Variants in TTC17 observed in about 807,000 individuals in gnomAD.
The protein encoded by TTC17 is tetratricopeptide repeat protein 17.
A neutral mutation model predicts 143.8 loss-of-function variants in TTC17; 58 were observed. The ratio of observed to expected loss-of-function variants is 0.40; its 90% CI spans 0.33 to 0.50. The LOEUF (loss-of-function observed/expected upper bound fraction) is 0.50, where lower values mean the gene tolerates loss of function less well. TTC17 is among the 20% of genes least tolerant of loss of function. The pLI is 0.49. For missense variants in TTC17, 1,273 were observed against 1,392.5 expected (o/e 0.91, Z 1.37); for synonymous variants, 501 against 497.8 (o/e 1.01, Z -0.09).
At position 43,451,198 on chromosome 11, in the gene TTC17, G is replaced by T; in HGVS notation, c.2963G>T (p.Gly988Val). Reference sequence around the variant, plus strand: ...TCCTTCCAGGTATTACAAAATCTCGGCAAAGACCAATATCCACAACAGTCG... The same window carrying T: ...TCCTTCCAGGTATTACAAAATCTCGTCAAAGACCAATATCCACAACAGTCG... ...SQLTEVLQNL[G>V]KDQYPQQSLE... Residue 988 changes from glycine to valine, a missense_variant, in exon 21 of 24, where the codon GGC (glycine) becomes GTC (valine). Physicochemically the swap from Gly to Val is moderately radical, Grantham distance 109. Coordinates refer to ENST00000039989, the MANE Select transcript of TTC17 (RefSeq NM_018259.6). 1 of 1,612,954 alleles carries T rather than the reference G, an allele frequency of 6.2e-7. No homozygotes were observed. The highest frequency in any genetic ancestry group is 8.5e-7 in the Non-Finnish European group (1 of 1,179,114).
intron 21 of TTC17, among the ~76,000 whole-genome samples, chr11:43,483,321 G>A (rs1310308541): frequency 1.3e-5 from 2 of 152,040 alleles, no homozygotes; most frequent in African/African-American, 4.8e-5. Context: ...TGACATACCA[G>A]TTAATTCCTT....
At chr11:43,436,280 C>T in intron 16 of TTC17, 1 of 1,373,348 alleles carries the variant, frequency 7.3e-7, no homozygotes. Flanking sequence ...AGAGGAGGAC[C>T]CTGTATTCTC....
chr11:43,421,899 A>G (rs1946915406), intron 16 of TTC17, among the ~76,000 whole-genome samples: 1 of 151,258 alleles, frequency 6.6e-6, no homozygotes, highest in African/African-American at 2.4e-5. Context: ...CCTGGTGACA[A>G]AAAGGTTGGG....
At position 43,413,706 on chromosome 11, in the gene TTC17, GA is replaced by G. The variant is rs756140204; in HGVS notation, c.2065-872del. On this transcript the variant is annotated intron_variant, in intron 15 of 23. Transcript: ENST00000039989. ...ATATCCAAATGGCCAATAGGCACCT[GA>G]AAAAAAAAAAACCCTCAACATTATT... 9.2e-4 allele frequency among the ~76,000 whole-genome samples: 127 copies of G among 138,610 alleles called. 3 individuals carry two copies. In the Middle Eastern group the frequency reaches 0.015, roughly 16 times the overall value. 90.9% of individuals were successfully genotyped at this position (138,610 alleles called of 152,430 possible). A position where few individuals can be genotyped will look rare whatever the true frequency, so the allele number is the denominator to read the frequency against.
intron 10 of TTC17, among the ~76,000 whole-genome samples, chr11:43,402,104 A>G (rs1440072829): frequency 2.0e-5 from 3 of 152,188 alleles, no homozygotes; most frequent in East Asian, 1.9e-4. Flanking sequence ...GGAGTACTCA[A>G]TAACTCCATG....
At position 43,413,024 on chromosome 11, in the gene TTC17, ACAC is replaced by A. The variant is rs1565153411; in HGVS notation, c.2065-1565_2065-1563del. Among the ~76,000 whole-genome samples the A allele has an allele frequency of 3.5e-3, 473 of 133,846 alleles. 6 individuals are homozygous for A. Among genetic ancestry groups the A allele is most frequent in the Middle Eastern group, 0.012 (3 of 244 alleles). 87.8% of individuals were successfully genotyped at this position (133,846 alleles called of 152,430 possible). A position where few individuals can be genotyped will look rare whatever the true frequency, so the allele number is the denominator to read the frequency against. On this transcript the variant is annotated intron_variant, in intron 15 of 23. Coordinates refer to ENST00000039989, the MANE Select transcript of TTC17 (RefSeq NM_018259.6). Reference sequence around the variant, plus strand: ...CACACACACACACACACACACACACACACAAATGGGGGCAGGGTGATGGGGAGG... The same window carrying A: ...CACACACACACACACACACACACACAAAATGGGGGCAGGGTGATGGGGAGG...
chr11:43,413,017 C>T, intron 15 of TTC17, among the ~76,000 whole-genome samples: 1 of 149,976 alleles, frequency 6.7e-6, no homozygotes, highest in South Asian at 2.1e-4. Context: ...CACACACACA[C>T]ACACACACAC....
intron 11 of TTC17, among the ~76,000 whole-genome samples, chr11:43,404,904 G>C (rs1858041376): frequency 6.6e-6 from 1 of 151,988 alleles, no homozygotes; most frequent in South Asian, 2.1e-4. Context: ...CTTAGTTCAG[G>C]GAAAAGTAGT....
chr11:43,454,807 A>C (rs1458713724), intron 21 of TTC17, among the ~76,000 whole-genome samples: 1 of 152,036 alleles, frequency 6.6e-6, no homozygotes, highest in African/African-American at 2.4e-5. Flanking sequence ...ATCCAGAAAC[A>C]AATGTCATAA....
intron 8 of TTC17, 124 bp from the exon 9 acceptor site, chr11:43,399,764 T>C: frequency 1.1e-6 from 1 of 920,156 alleles, no homozygotes; most frequent in Non-Finnish European, 1.6e-6. Flanking sequence ...CAGGGTTGTA[T>C]GTTAAATAAA....
chr11:43,409,383 A>G (rs956001861), intron 15 of TTC17, among the ~76,000 whole-genome samples: 2 of 152,234 alleles, frequency 1.3e-5, no homozygotes, highest in Admixed American at 1.3e-4. Context: ...CTGGCACAAA[A>G]TACCAAACAA....
chr11:43,378,045 A>G (rs765001432), intron 1 of TTC17, among the ~76,000 whole-genome samples: 27 of 152,154 alleles, frequency 1.8e-4, no homozygotes, highest in Non-Finnish European at 3.2e-4. Context: ...CTGGGACTAC[A>G]GTCCTGCGCC....
At chr11:43,472,941 A>G (rs574677411) in intron 21 of TTC17, among the ~76,000 whole-genome samples, 30 of 152,174 alleles carry the variant, frequency 2.0e-4, no homozygotes, top group Admixed American at 5.9e-4. Context: ...TTGGGAGGCC[A>G]AGACCTGCAG....
intron 20 of TTC17, among the ~76,000 whole-genome samples, chr11:43,450,446 A>G (rs1346458790): frequency 1.3e-5 from 2 of 152,310 alleles, no homozygotes. Context: ...CTTTATGACC[A>G]TGGAATTTTA....
At chr11:43,404,508 A>T (rs1004376532) in intron 11 of TTC17, among the ~76,000 whole-genome samples, 14 of 152,198 alleles carry the variant, frequency 9.2e-5, no homozygotes, top group African/African-American at 3.1e-4. Context: ...GTGCCAGGCT[A>T]ATGCTGGCAG....
At chr11:43,400,325 G>GT (rs1016412208) in intron 9 of TTC17, among the ~76,000 whole-genome samples, 1 of 151,856 alleles carries the variant, frequency 6.6e-6, no homozygotes, top group Non-Finnish European at 1.5e-5. Flanking sequence ...TTCAACATCA[G>GT]TTTTTTTTCC....
In TTC17 at chr11:43,444,722, T is replaced by TACACACACAC. The variant is rs10638143; in HGVS notation, c.2665+541_2665+550dup. Among the ~76,000 whole-genome samples, 221 of 143,576 alleles carry TACACACACAC rather than the reference T, an allele frequency of 1.5e-3. 3 individuals carry two copies. Among genetic ancestry groups the TACACACACAC allele is most frequent in the Non-Finnish European group, 2.2e-3 (143 of 65,538 alleles). 94.2% of individuals were successfully genotyped at this position (143,576 alleles called of 152,430 possible). On this transcript the variant is annotated intron_variant, in intron 18 of 23. Coordinates refer to ENST00000039989, the MANE Select transcript of TTC17 (RefSeq NM_018259.6). The stretch of plus-strand genomic sequence containing the variant: ...GTACATAGGCAGTTCACCAAATACA[T>TACACACACAC]ACACACACACACACACACACACACA...
chr11:43,396,569 TTTATCATTGC>T, intron 5 of TTC17, 130 bp from the exon 6 acceptor site: 1 of 477,908 alleles, frequency 2.1e-6, no homozygotes, highest in South Asian at 4.3e-5. Flanking sequence ...TGTCCTGTTC[TTTATCATTGC>T]TTATCATTCA....
chr11:43,440,021 A>G (rs911229671), intron 16 of TTC17, among the ~76,000 whole-genome samples: 16 of 152,238 alleles, frequency 1.1e-4, no homozygotes, highest in African/African-American at 3.9e-4. Flanking sequence ...TTTTCAGTTT[A>G]TATCATACCA....
Sources: gnomAD v4.1 joint callset for allele counts (sites outside exome capture counted in the v4.1 genomes callset) on GRCh38, gnomAD v4.1.1 for gene constraint, MANE v1.5 for transcripts, NCBI Gene and HGNC (gene_info 2026-07-23, HGNC 2026-07-21) for gene names.